The following FREM3 variants were observed in gnomAD, a reference collection of about 807,000 sequenced individuals.
The protein encoded by FREM3 is FRAS1 related extracellular matrix 3.
Under a neutral mutation model 129.1 loss-of-function variants are expected in FREM3, and 105 were observed. That is an observed-to-expected ratio of 0.81 (90% CI 0.69 to 0.96). The LOEUF is 0.96. Among genes scored for constraint, FREM3 ranks in the 40% least tolerant of loss-of-function variants. The probability of loss-of-function intolerance (pLI) is 0.00; values close to 1 mark genes in which losing one functional copy is unlikely to be tolerated. For synonymous variants in FREM3, 1,014 were observed against 1,044.9 expected, an observed-to-expected ratio of 0.97 and a Z score of 0.57; for missense variants, 2,593 against 2,666.3, an observed-to-expected ratio of 0.97 and a Z score of 0.61.
intron 2 of FREM3, among the ~76,000 whole-genome samples, chr4:143,647,485 C>A (rs1363841400): frequency 6.6e-6 from 1 of 152,092 alleles, no homozygotes; most frequent in Non-Finnish European, 1.5e-5. Context: ...GTCCAGAGGC[C>A]TAGGGGGCAA....
intron 2 of FREM3, among the ~76,000 whole-genome samples, chr4:143,634,577 G>A (rs1721833018): frequency 1.3e-5 from 2 of 152,094 alleles, no homozygotes; most frequent in African/African-American, 4.8e-5. Flanking sequence ...GCAAGATGGA[G>A]GAAAGGGCTT....
intron 2 of FREM3, among the ~76,000 whole-genome samples, chr4:143,685,048 A>G (rs1485586055): frequency 6.6e-6 from 1 of 152,178 alleles, no homozygotes; most frequent in African/African-American, 2.4e-5. Context: ...TCTTAGGAAG[A>G]AGAGAAATCC....
chr4:143,698,424 G>A lies in FREM3; in HGVS notation c.2252C>T (p.Thr751Ile), dbSNP rs919729208. Reference protein sequence around the residue: ...WYTLLTLPTDTDGNHQVRAGE... With the variant: ...WYTLLTLPTDIDGNHQVRAGE... ...AGCCCGGACTTGGTGGTTGCCATCT[G>A]TGTCAGTCGGGAGTGTCAGTAGGGT... Residue 751 changes from threonine to isoleucine, a missense_variant, in exon 1 of 8, where the codon ACA becomes ATA. Transcript: ENST00000329798. 6 of 1,537,796 alleles carry A rather than the reference G, an allele frequency of 3.9e-6. No individual in the cohort carries two copies. The highest frequency in any genetic ancestry group is 5.2e-6 in the Non-Finnish European group (6 of 1,147,072).
chr4:143,660,441 A>G (rs1268967080), intron 2 of FREM3, among the ~76,000 whole-genome samples: 1 of 152,106 alleles, frequency 6.6e-6, no homozygotes, highest in South Asian at 2.1e-4. Context: ...CCATTGATCT[A>G]TATCTCTGTT....
Position 143,698,296 on chromosome 4 carries a change from C to T in FREM3, c.2380G>A (p.Gly794Ser). The T allele has an allele frequency of 1.3e-6, 2 of 1,537,664 alleles. No homozygotes were observed. Among genetic ancestry groups the T allele is most frequent in the East Asian group, 2.4e-5 (1 of 40,920 alleles). Residue 794 changes from glycine to serine, a missense_variant, in exon 1 of 8, where the codon GGT becomes AGT. By Grantham distance (56) the Gly-to-Ser change is moderately conservative (BLOSUM62 0). Coordinates refer to ENST00000329798, the MANE Select transcript of FREM3 (RefSeq NM_001168235.2). ...AACTGCACAACCCGTGGTGCAATAC[C>T]CAATTTCTGTGGAGGCTGGTAGGCA... The part of the protein sequence containing the change: ...KVAYQPPQKL[G>S]IAPRVVQFTY...
chr4:143,612,674 T>C (rs1315720098), intron 5 of FREM3, among the ~76,000 whole-genome samples: 1 of 152,168 alleles, frequency 6.6e-6, no homozygotes, highest in Non-Finnish European at 1.5e-5. Context: ...GTAGGATTGC[T>C]AGGTTCTGAT....
intron 2 of FREM3, among the ~76,000 whole-genome samples, chr4:143,663,354 G>A (rs1739781013): frequency 6.6e-6 from 1 of 152,068 alleles, no homozygotes; most frequent in Non-Finnish European, 1.5e-5. Flanking sequence ...GCTTAGTTTA[G>A]CTGGATATGA....
chr4:143,645,994 T>C (rs917543600), intron 2 of FREM3, among the ~76,000 whole-genome samples: 1 of 152,244 alleles, frequency 6.6e-6, no homozygotes, highest in Non-Finnish European at 1.5e-5. Context: ...ATGTATTCTT[T>C]GCAACAAGAA....
At chr4:143,675,893 T>A (rs1169488265) in intron 2 of FREM3, among the ~76,000 whole-genome samples, 2 of 152,104 alleles carry the variant, frequency 1.3e-5, no homozygotes, top group African/African-American at 4.8e-5. Flanking sequence ...ACTGAGGCAA[T>A]AATTAATAGC....
intron 7 of FREM3, 98 bp from the exon 8 acceptor site, chr4:143,577,950 C>T: frequency 8.0e-7 from 1 of 1,255,200 alleles, no homozygotes; most frequent in Non-Finnish European, 1.1e-6. Flanking sequence ...GCGGCATTCA[C>T]CTTTGTACCC....
chr4:143,644,749 A>ATATAAACTT (rs1482764791), intron 2 of FREM3, among the ~76,000 whole-genome samples: 6 of 152,230 alleles, frequency 3.9e-5, no homozygotes, highest in African/African-American at 1.4e-4. Context: ...CACAAAGAAC[A>ATATAAACTT]TATAAACTTT....
intron 5 of FREM3, among the ~76,000 whole-genome samples, chr4:143,612,495 T>C (rs2149839470): frequency 6.6e-6 from 1 of 152,354 alleles, no homozygotes; most frequent in South Asian, 2.1e-4. Context: ...TTTCTAGTTC[T>C]TGGCAATTGT....
At chr4:143,660,921 T>C (rs2149852139) in intron 2 of FREM3, among the ~76,000 whole-genome samples, 1 of 152,332 alleles carries the variant, frequency 6.6e-6, no homozygotes, top group Non-Finnish European at 1.5e-5. Context: ...TTGTGATTTT[T>C]GTACATTGAT....
chr4:143,656,862 C>T (rs1238888537), intron 2 of FREM3, among the ~76,000 whole-genome samples: 2 of 151,634 alleles, frequency 1.3e-5, no homozygotes, highest in Admixed American at 1.3e-4. Flanking sequence ...TATGTATTTT[C>T]ATGTAAATAA....
intron 7 of FREM3, among the ~76,000 whole-genome samples, chr4:143,579,523 T>G (rs1299795689): frequency 6.6e-6 from 1 of 152,160 alleles, no homozygotes; most frequent in Non-Finnish European, 1.5e-5. Flanking sequence ...AGGTTTTGTA[T>G]CTCATGGACT....
At chr4:143,606,647 C>A (rs1338904565) in intron 6 of FREM3, among the ~76,000 whole-genome samples, 1 of 152,112 alleles carries the variant, frequency 6.6e-6, no homozygotes, top group African/African-American at 2.4e-5. Flanking sequence ...GTTACAGACT[C>A]AGAGGCAGAA....
chr4:143,613,226 G>C (rs761983136), intron 5 of FREM3, among the ~76,000 whole-genome samples: 5 of 152,210 alleles, frequency 3.3e-5, no homozygotes, highest in East Asian at 1.9e-4. Context: ...TAGAGCTGGA[G>C]AGTTGATGAG....
intron 5 of FREM3, among the ~76,000 whole-genome samples, chr4:143,613,455 A>C (rs1235120111): frequency 6.6e-6 from 1 of 152,220 alleles, no homozygotes; most frequent in Non-Finnish European, 1.5e-5. Flanking sequence ...GATGTGAGAC[A>C]TAGTGCTATC....
intron 2 of FREM3, among the ~76,000 whole-genome samples, chr4:143,634,127 G>A (rs1477358150): frequency 6.6e-6 from 1 of 152,100 alleles, no homozygotes. Context: ...GGTAGCTTGG[G>A]AGTTTGGTTT....
Sources: allele counts gnomAD v4.1 joint callset (sites outside exome capture counted in the v4.1 genomes callset), GRCh38; gene constraint gnomAD v4.1.1; transcripts MANE v1.5; gene names NCBI Gene and HGNC (gene_info 2026-07-23, HGNC 2026-07-21).